ALG12: variants seen among roughly 807,000 people sequenced by gnomAD.
ALG12 encodes dol-P-Man:Man(7)GlcNAc(2)-PP-Dol alpha-1,6-mannosyltransferase.
In ALG12, 36 loss-of-function variants were observed where a neutral mutation model predicts 46.0. The ratio of observed to expected loss-of-function variants is 0.78; its 90% CI spans 0.60 to 1.03. ALG12 has a LOEUF of 1.03. Ranked by LOEUF, ALG12 falls within the 50% of genes least tolerant of loss-of-function variation. The pLI, the probability that ALG12 is intolerant of heterozygous loss-of-function variation, is 0.00. For synonymous variants in ALG12, 326 were observed against 291.6 expected (o/e 1.12, Z -1.20); for missense variants, 599 against 633.5 (o/e 0.95, Z 0.58).
the ALG12 span, among the ~76,000 whole-genome samples, chr22:49,859,676 A>G: frequency 6.6e-6 from 1 of 152,218 alleles, no homozygotes; most frequent in Non-Finnish European, 1.5e-5. Context: ...TATTTAAAAC[A>G]TTGTGAGTTC....
intron 3 of ALG12, among the ~76,000 whole-genome samples, chr22:49,912,692 T>C (rs1228130964): frequency 1.3e-5 from 2 of 152,158 alleles, no homozygotes; most frequent in African/African-American, 4.8e-5. Flanking sequence ...AAAGTGGTGA[T>C]TGCTGACTTC....
Position 49,906,338 on chromosome 22 carries a change from G to A in ALG12, c.992+1383C>T, listed in dbSNP as rs1171490679. Among the ~76,000 whole-genome samples the A allele has an allele frequency of 1.3e-5, 2 of 152,146 alleles. No homozygotes were observed. The highest frequency in any genetic ancestry group is 2.4e-5 in the African/African-American group (1 of 41,416). On this transcript the variant is annotated intron_variant, in intron 7 of 9. Transcript: ENST00000330817. The surrounding 1 kb of genome is among the most constrained non-coding windows in gnomAD (Gnocchi z 4.4). The stretch of plus-strand genomic sequence containing the variant: ...TGGGGTCTGCTCCTCCTCCAGCCCT[G>A]AGCCGACCCCTGAGACGAGAGGGAG...
chr22:49,909,773 C>CA, intron 5 of ALG12, 121 bp downstream of exon 5: 1 of 1,382,338 alleles, frequency 7.2e-7, no homozygotes. Flanking sequence ...ATGTTTTCAA[C>CA]ACTGCTAAAT....
chr22:49,909,358 A>G lies in ALG12; in HGVS notation c.665-11T>C, dbSNP rs202012544. On this transcript the variant is annotated splice_polypyrimidine_tract_variant and intron_variant, in intron 5 of 9. Coordinates refer to ENST00000330817, the MANE Select transcript of ALG12 (RefSeq NM_024105.4). The stretch of plus-strand genomic sequence containing the variant: ...CAGCAACCGTCAGTCCTGACAAAAT[A>G]AAATAGAGTTTCTTAGTCGCAAACA... 31 of 1,614,008 alleles carry G rather than the reference A, an allele frequency of 1.9e-5. No homozygotes were observed. The highest frequency in any genetic ancestry group is 2.3e-5 in the Non-Finnish European group (27 of 1,179,876).
At position 49,902,046 on chromosome 22, in the gene ALG12, TAAC is replaced by T. The variant is rs2060511882; in HGVS notation, c.*1789_*1791del. 7.4e-6 allele frequency: 1 copy of T among 135,658 alleles called. No individual in the cohort carries two copies. Among genetic ancestry groups the T allele is most frequent in the Non-Finnish European group, 1.5e-5 (1 of 65,936 alleles). The allele number at this position is 135,658 out of a possible 1,614,324, so 8.4% of individuals were successfully genotyped here. ...ACGCGTGCACTGTGTGTATGCATGG[TAAC>T]GTACACGTGTGCACTGTGTGTGGTG... On this transcript the variant is annotated 3_prime_UTR_variant, in exon 10 of 10. Transcript: ENST00000330817.
the ALG12 span, among the ~76,000 whole-genome samples, chr22:49,891,519 C>G: frequency 2.6e-5 from 4 of 152,258 alleles, no homozygotes; most frequent in Admixed American, 6.5e-5. Context: ...TTGTCTTGAT[C>G]CTTCTTAAAA....
chr22:49,907,862 AC>A lies in ALG12; in HGVS notation c.850del (p.Val284Ter). 6.2e-7 allele frequency: 1 copy of A among 1,613,938 alleles called. No homozygotes were observed. The highest frequency in any genetic ancestry group is 8.5e-7 in the Non-Finnish European group (1 of 1,179,998). The stretch of plus-strand genomic sequence containing the variant: ...CGTCGGCGCGTGCGTCCTTCTGTCT[AC>A]CAAGCCCAGGGGGATGAAGAGCAGG... The part of the protein sequence containing the change: ...CSLLFIPLGL[V>X]DRRTHAPTVL... On this transcript the variant is annotated frameshift_variant, in exon 7 of 10. Coordinates refer to ENST00000330817, the MANE Select transcript of ALG12 (RefSeq NM_024105.4). LOFTEE classifies it high-confidence loss of function.
chr22:49,915,409 T>G (rs1245099689), intron 1 of ALG12, among the ~76,000 whole-genome samples: 1 of 151,522 alleles, frequency 6.6e-6, no homozygotes, highest in Non-Finnish European at 1.5e-5. Context: ...ATACAAAAAT[T>G]AGCTGGGCAT....
chr22:49,909,580 A>G (rs940274848), intron 5 of ALG12, among the ~76,000 whole-genome samples: 1 of 152,128 alleles, frequency 6.6e-6, no homozygotes, highest in Non-Finnish European at 1.5e-5. Flanking sequence ...AAAAAAAGAA[A>G]AAAGACACCA....
the ALG12 span, among the ~76,000 whole-genome samples, chr22:49,894,131 T>C: frequency 6.6e-6 from 1 of 152,140 alleles, no homozygotes; most frequent in Non-Finnish European, 1.5e-5. Context: ...CACCACTGCA[T>C]TCTAGCCTGG....
the ALG12 span, among the ~76,000 whole-genome samples, chr22:49,881,342 C>T: frequency 2.0e-5 from 3 of 152,226 alleles, no homozygotes; most frequent in Non-Finnish European, 2.9e-5. Flanking sequence ...CAGAGTGATC[C>T]GTCTCAAAAA....
intron 6 of ALG12, 32 bp from the exon 7 acceptor site, chr22:49,907,976 G>A (rs1424133459): frequency 1.2e-6 from 2 of 1,601,994 alleles, no homozygotes; most frequent in African/African-American, 1.3e-5. Context: ...CCACGCACCT[G>A]TCCACGCATG....
At chr22:49,904,712 G>A in intron 7 of ALG12, 1 of 599,274 alleles carries the variant, frequency 1.7e-6, no homozygotes, top group Non-Finnish European at 2.9e-6. Flanking sequence ...TACCCAAGAT[G>A]CCAATTTAAA....
chr22:49,864,293 GT>G, the ALG12 span, among the ~76,000 whole-genome samples: 8 of 152,232 alleles, frequency 5.3e-5, no homozygotes, highest in Non-Finnish European at 8.8e-5. Context: ...TGTCTCATCT[GT>G]TTTATCTCTT....
In ALG12 at chr22:49,909,314, C is replaced by T. The variant is rs114264124; in HGVS notation, c.698G>A (p.Arg233Gln). 9.4e-4 allele frequency: 1,516 copies of T among 1,614,122 alleles called. 8 individuals are homozygous for T. The African/African-American group carries it at 0.017, about 18-fold the overall frequency. ...CTTTCCTTCCGGCCAAGTGAGCTGC[C>T]GCCAAAAATAAGAGTCCACAGCAAC... ...LTVAVDSYFW[R>Q]QLTWPEGKVL... The change falls in exon 6 of 10, where the codon CGG (arginine) becomes CAG (glutamine). Residue 233 changes from arginine to glutamine, a missense_variant. Physicochemically the swap from Arg to Gln is conservative, Grantham distance 43. Transcript: ENST00000330817.
intron 5 of ALG12, 63 bp from the exon 6 acceptor site, chr22:49,909,410 A>G (rs1203234918): frequency 5.4e-6 from 8 of 1,485,298 alleles, no homozygotes; most frequent in African/African-American, 2.8e-5. Flanking sequence ...TCCCGCCACA[A>G]TGCAGCCCCC....
chr22:49,899,664 C>T (rs1164377507), downstream of ALG12, among the ~76,000 whole-genome samples: 1 of 152,090 alleles, frequency 6.6e-6, no homozygotes, highest in African/African-American at 2.4e-5. Context: ...GGAATTCACC[C>T]TGAAGACACA....
intron 6 of ALG12, among the ~76,000 whole-genome samples, chr22:49,908,856 G>A (rs2060559026): frequency 6.6e-6 from 1 of 151,372 alleles, no homozygotes; most frequent in African/African-American, 2.4e-5. Flanking sequence ...TGAGGCTGAG[G>A]CAGGAGAATT....
chr22:49,860,779 C>CT, the ALG12 span, among the ~76,000 whole-genome samples: 1,570 of 137,538 alleles, frequency 0.011, 7 homozygotes, highest in African/African-American at 0.015. Context: ...TCTAAGCAAC[C>CT]TTTTTTTTTT....
Sources: gnomAD v4.1 joint callset for allele counts (sites outside exome capture counted in the v4.1 genomes callset) on GRCh38, gnomAD v4.1.1 for gene constraint, Gnocchi (gnomAD v3.1) non-coding constraint, MANE v1.5 for transcripts, NCBI Gene and HGNC (gene_info 2026-07-23, HGNC 2026-07-21) for gene names.